The following SLC8A1 variants were observed in gnomAD, a reference collection of about 807,000 sequenced individuals.
SLC8A1 encodes sodium/calcium exchanger 1.
A neutral mutation model predicts 68.3 loss-of-function variants in SLC8A1; 18 were observed. That is an observed-to-expected ratio of 0.26 (90% CI 0.18 to 0.39). The LOEUF is 0.39. Among genes scored for constraint, SLC8A1 ranks in the 10% least tolerant of loss-of-function variants. The pLI is 1.00. For synonymous variants in SLC8A1, 475 were observed against 415.5 expected (o/e 1.14, Z -1.74); for missense variants, 985 against 1,156.7 (o/e 0.85, Z 2.15).
At chr2:40,188,298 T>C (rs1034389665) in intron 2 of SLC8A1, among the ~76,000 whole-genome samples, 1 of 152,200 alleles carries the variant, frequency 6.6e-6, no homozygotes, top group Non-Finnish European at 1.5e-5. Context: ...TTTAACAAAA[T>C]GTTCAAAGTT....
At chr2:40,432,910 C>A (rs1049667653) in intron 1 of SLC8A1, among the ~76,000 whole-genome samples, 1 of 151,972 alleles carries the variant, frequency 6.6e-6, no homozygotes, top group Non-Finnish European at 1.5e-5. Flanking sequence ...GGCAGGTATA[C>A]AAAATGGTAC....
intron 1 of SLC8A1, among the ~76,000 whole-genome samples, chr2:40,436,061 C>T (rs57454819): frequency 0.016 from 2,470 of 152,002 alleles, 68 homozygotes; most frequent in African/African-American, 0.054. Context: ...TGAACCACCA[C>T]GTCTGGCCAG....
chr2:40,390,544 CA>C (rs1684941393), intron 2 of SLC8A1, among the ~76,000 whole-genome samples: 1 of 152,090 alleles, frequency 6.6e-6, no homozygotes, highest in Non-Finnish European at 1.5e-5. Flanking sequence ...TCTACTAAGT[CA>C]TAAACTCTGA....
intron 2 of SLC8A1, among the ~76,000 whole-genome samples, chr2:40,333,244 C>T (rs568991418): frequency 1.3e-5 from 2 of 152,152 alleles, no homozygotes; most frequent in South Asian, 2.1e-4. Context: ...CGAGACCATC[C>T]TGGCTAACAC....
intron 2 of SLC8A1, among the ~76,000 whole-genome samples, chr2:40,179,992 T>C (rs900947180): frequency 2.6e-4 from 39 of 152,156 alleles, no homozygotes; most frequent in Non-Finnish European, 7.4e-5. Context: ...GATACTCACA[T>C]TCCAATTTCT....
intron 2 of SLC8A1, among the ~76,000 whole-genome samples, chr2:40,316,373 G>C (rs2074448642): frequency 6.6e-6 from 1 of 151,950 alleles, no homozygotes; most frequent in African/African-American, 2.4e-5. Context: ...TACTGGAAAA[G>C]ACCTAAATAC....
intron 2 of SLC8A1, among the ~76,000 whole-genome samples, chr2:40,380,344 C>T (rs1205741146): frequency 1.3e-5 from 2 of 152,148 alleles, no homozygotes; most frequent in Non-Finnish European, 1.5e-5. Flanking sequence ...TAAATCAATC[C>T]TAAGAATTGC....
At chr2:40,405,648 A>G (rs1410736348) in intron 2 of SLC8A1, among the ~76,000 whole-genome samples, 2 of 152,164 alleles carry the variant, frequency 1.3e-5, no homozygotes, top group Non-Finnish European at 2.9e-5. Context: ...TTTCTTTTTT[A>G]GAAATGTTAG....
chr2:40,319,725 G>A (rs547323945), intron 2 of SLC8A1, among the ~76,000 whole-genome samples: 1 of 152,010 alleles, frequency 6.6e-6, no homozygotes, highest in African/African-American at 2.4e-5. Flanking sequence ...TGCCTTTGGA[G>A]AGCTCTGCAA....
intron 2 of SLC8A1, among the ~76,000 whole-genome samples, chr2:40,382,153 T>C (rs1174970483): frequency 1.3e-5 from 2 of 152,118 alleles, no homozygotes; most frequent in African/African-American, 4.8e-5. Flanking sequence ...TAATTATTAC[T>C]TTACATATCT....
intron 1 of SLC8A1, among the ~76,000 whole-genome samples, chr2:40,503,813 A>G (rs1706195056): frequency 6.6e-6 from 1 of 152,072 alleles, no homozygotes; most frequent in Non-Finnish European, 1.5e-5. Flanking sequence ...AGAGGACAAC[A>G]AAAAATGGAA....
At chr2:40,192,147 AT>A in intron 2 of SLC8A1, among the ~76,000 whole-genome samples, 1 of 152,246 alleles carries the variant, frequency 6.6e-6, no homozygotes, top group Admixed American at 6.5e-5. Flanking sequence ...TGCTTTCATT[AT>A]TATTATCTAA....
rs192008488 is a variant in SLC8A1, at chr2:40,442,051, G to T, written c.-25+9853C>A. Among the ~76,000 whole-genome samples, 69 of 109,122 alleles carry T rather than the reference G, an allele frequency of 6.3e-4. No homozygotes were observed. In the East Asian group the frequency reaches 0.016, roughly 26 times the overall value. The allele number at this position is 109,122 out of a possible 152,430, so 71.6% of individuals were successfully genotyped here. ...TGTGAATAGTGCCGCAATAGTGGTG[G>T]GGTGGGGGGAGGGGGGAGGGATAGC... On this transcript the variant is annotated intron_variant, in intron 1 of 7. Coordinates refer to ENST00000406785, the Ensembl canonical transcript of SLC8A1.
intron 2 of SLC8A1, among the ~76,000 whole-genome samples, chr2:40,399,357 A>G (rs13420956): frequency 6.6e-6 from 1 of 150,808 alleles, no homozygotes; most frequent in Non-Finnish European, 1.5e-5. Flanking sequence ...ACCCCACACT[A>G]GGATCAGAGA....
At chr2:40,163,852 T>C (rs1476728230) in intron 5 of SLC8A1, among the ~76,000 whole-genome samples, 5 of 148,112 alleles carry the variant, frequency 3.4e-5, no homozygotes, top group African/African-American at 1.2e-4. Flanking sequence ...ATTTGTGAAG[T>C]AAATTAAAAA....
chr2:40,400,693 C>A (rs1688461062), intron 2 of SLC8A1, among the ~76,000 whole-genome samples: 1 of 152,004 alleles, frequency 6.6e-6, no homozygotes, highest in African/African-American at 2.4e-5. Context: ...GTGGGAGGGA[C>A]AGAGAGCCAC....
At chr2:40,100,622 G>A (rs952944809) in exon 8 of SLC8A1, 8 of 152,074 alleles carry the variant, frequency 5.3e-5, no homozygotes, top group African/African-American at 1.7e-4. Context: ...TGTACACAAT[G>A]GTGGAAACAC....
intron 2 of SLC8A1, among the ~76,000 whole-genome samples, chr2:40,398,136 C>A (rs577409929): frequency 6.6e-6 from 1 of 152,324 alleles, no homozygotes; most frequent in African/African-American, 2.4e-5. Flanking sequence ...TATGGAGCCA[C>A]TTTTTCTTTT....
intron 1 of SLC8A1, among the ~76,000 whole-genome samples, chr2:40,458,296 G>A (rs1466150724): frequency 2.0e-5 from 3 of 152,264 alleles, no homozygotes; most frequent in Admixed American, 1.3e-4. Context: ...GGCAGGTAAT[G>A]TAATTCACCT....
Sources: gnomAD v4.1 joint callset for allele counts (sites outside exome capture counted in the v4.1 genomes callset) on GRCh38, gnomAD v4.1.1 for gene constraint, MANE v1.5 for transcripts, NCBI Gene and HGNC (gene_info 2026-07-23, HGNC 2026-07-21) for gene names.